Variants in NHLRC2 observed in about 807,000 individuals in gnomAD.
The protein encoded by NHLRC2 is NHL repeat-containing protein 2.
Under a neutral mutation model 68.1 loss-of-function variants are expected in NHLRC2, and 33 were observed. That is an observed-to-expected ratio of 0.48 (90% CI 0.37 to 0.65). The LOEUF (loss-of-function observed/expected upper bound fraction) is 0.65. Ranked by LOEUF, NHLRC2 falls within the 30% of genes least tolerant of loss-of-function variation. The pLI is 0.00. For synonymous variants in NHLRC2, 311 were observed against 309.6 expected (o/e 1.00, Z -0.05); for missense variants, 761 against 853.8 (o/e 0.89, Z 1.35).
rs1189156532 is a variant in NHLRC2 at position 113,876,506 on chromosome 10, A to AT, written c.332-9dup. 4 of 1,459,334 alleles carry AT rather than the reference A, an allele frequency of 2.7e-6. No homozygotes were observed. The highest frequency in any genetic ancestry group is 3.8e-6 in the Non-Finnish European group (4 of 1,066,102). The allele number at this position is 1,459,334 out of a possible 1,614,324, so 90.4% of individuals were successfully genotyped here. On this transcript the variant is annotated splice_polypyrimidine_tract_variant and intron_variant, in intron 2 of 10. Coordinates refer to ENST00000369301, the MANE Select transcript of NHLRC2 (RefSeq NM_198514.4). Reference sequence around the variant, plus strand: ...AATATTTAATAATGTTTAACATATAATTTTTTCCTTTCAGATGGTCTTCTT... The same window carrying AT: ...AATATTTAATAATGTTTAACATATAATTTTTTTCCTTTCAGATGGTCTTCTT...
chr10:113,855,023 G>T lies in NHLRC2; in HGVS notation c.151G>T (p.Asp51Tyr). 6.4e-7 allele frequency: 1 copy of T among 1,553,070 alleles called. No individual in the cohort carries two copies. Among genetic ancestry groups the T allele is most frequent in the South Asian group, 1.2e-5 (1 of 84,128 alleles). Residue 51 changes from aspartate to tyrosine, a missense_variant, in exon 1 of 11, where the codon GAC becomes TAC. Asp to Tyr is a radical substitution (Grantham distance 160). Coordinates refer to ENST00000369301, the MANE Select transcript of NHLRC2 (RefSeq NM_198514.4). ...YLQKVDGWEQ[D>Y]LSVPEFPEGL... is the part of the protein sequence containing the mutation. ...GCAGAAGGTGGACGGCTGGGAGCAG[G>T]ACTTGTCAGTACCCGAGTTTCCGGA...
Position 113,917,038 on chromosome 10 carries a change from G to A in NHLRC2, c.*8502G>A, listed in dbSNP as rs1360578343. 1.3e-5 allele frequency: 2 copies of A among 152,176 alleles called. No homozygotes were observed. Among genetic ancestry groups the A allele is most frequent in the South Asian group, 2.1e-4 (1 of 4,828 alleles). The allele number at this position is 152,176 out of a possible 1,614,324, so 9.4% of individuals were successfully genotyped here. On this transcript the variant is annotated 3_prime_UTR_variant, in exon 11 of 11. Transcript: ENST00000369301. ...GTGTTAACAGAAGATTGTTTGGAAC[G>A]AGAGTGCAGTGGCTTCTTTACTAGC...
At chr10:113,876,015 C>T (rs750254442) in intron 2 of NHLRC2, among the ~76,000 whole-genome samples, 2 of 148,144 alleles carry the variant, frequency 1.4e-5, no homozygotes, top group East Asian at 3.9e-4. Context: ...GTTCTAAGAA[C>T]CATACAATAG....
chr10:113,860,919 T>G (rs904981841), intron 2 of NHLRC2, among the ~76,000 whole-genome samples: 4 of 152,216 alleles, frequency 2.6e-5, no homozygotes, highest in South Asian at 4.1e-4. Context: ...TGATTCGACT[T>G]AAAATATTTT....
chr10:113,884,113 T>C, intron 4 of NHLRC2, 138 bp from the exon 5 acceptor site: 1 of 578,268 alleles, frequency 1.7e-6, no homozygotes, highest in Non-Finnish European at 2.9e-6. Context: ...CTATAATTGA[T>C]TGGCCTTTTT....
chr10:113,898,106 A>G lies in NHLRC2; in HGVS notation c.1040-4A>G. On this transcript the variant is annotated splice_polypyrimidine_tract_variant and splice_region_variant and intron_variant, in intron 5 of 10. Transcript: ENST00000369301. ...TATAATAATAATGATTTATTTTTATAAAGGTTCAGAGGTCCAAAGAGGTGA... is the reference window on the plus strand; with the variant it reads ...TATAATAATAATGATTTATTTTTATGAAGGTTCAGAGGTCCAAAGAGGTGA... 2 of 1,579,376 alleles carry G rather than the reference A, an allele frequency of 1.3e-6. No homozygotes were observed. Among genetic ancestry groups the G allele is most frequent in the African/African-American group, 1.3e-5 (1 of 74,294 alleles).
intron 3 of NHLRC2, among the ~76,000 whole-genome samples, chr10:113,878,801 T>C (rs865888231): frequency 6.6e-5 from 10 of 152,292 alleles, no homozygotes; most frequent in Middle Eastern, 3.4e-3. Flanking sequence ...AGTGCTGAGA[T>C]TACAGACGTG....
intron 5 of NHLRC2, 135 bp downstream of exon 5, chr10:113,884,515 T>G: frequency 1.8e-6 from 1 of 561,996 alleles, no homozygotes; most frequent in Non-Finnish European, 3.0e-6. Context: ...CCTCAGAGTT[T>G]GTTAATTGTG....
chr10:113,880,399 G>T (rs1016979050), intron 4 of NHLRC2, among the ~76,000 whole-genome samples: 9 of 151,342 alleles, frequency 5.9e-5, no homozygotes, highest in Non-Finnish European at 1.3e-4. Flanking sequence ...TGATATGACT[G>T]TATCACATTC....
chr10:113,881,586 C>T (rs963467832), intron 4 of NHLRC2, among the ~76,000 whole-genome samples: 4 of 151,682 alleles, frequency 2.6e-5, no homozygotes, highest in African/African-American at 9.7e-5. Flanking sequence ...ATACCCCCAA[C>T]TCTCACTCCC....
intron 2 of NHLRC2, among the ~76,000 whole-genome samples, chr10:113,859,726 A>G (rs919851873): frequency 5.9e-5 from 9 of 152,210 alleles, no homozygotes; most frequent in African/African-American, 1.4e-4. Flanking sequence ...TTTATTGAAC[A>G]TGTTGTTATG....
chr10:113,888,974 G>GCACA (rs1846106222), intron 5 of NHLRC2, among the ~76,000 whole-genome samples: 1 of 151,714 alleles, frequency 6.6e-6, no homozygotes, highest in Non-Finnish European at 1.5e-5. Context: ...TTACAGGTGT[G>GCACA]CACCACCATG....
intron 4 of NHLRC2, among the ~76,000 whole-genome samples, chr10:113,882,790 C>G (rs879355893): frequency 6.6e-6 from 1 of 151,692 alleles, no homozygotes; most frequent in Non-Finnish European, 1.5e-5. Flanking sequence ...TTATTTACCC[C>G]TGTGTTTTAT....
intron 2 of NHLRC2, among the ~76,000 whole-genome samples, chr10:113,873,470 T>G (rs139792471): frequency 1.3e-3 from 199 of 152,250 alleles, no homozygotes; most frequent in African/African-American, 4.5e-3. Flanking sequence ...TAGTTGACCT[T>G]ATGTTATTGT....
intron 5 of NHLRC2, among the ~76,000 whole-genome samples, chr10:113,885,120 G>A (rs936701828): frequency 6.6e-6 from 1 of 151,830 alleles, no homozygotes; most frequent in Non-Finnish European, 1.5e-5. Flanking sequence ...TATATTTAAA[G>A]AGTATATAAG....
At chr10:113,868,701 A>G (rs1300432178) in intron 2 of NHLRC2, among the ~76,000 whole-genome samples, 1 of 152,230 alleles carries the variant, frequency 6.6e-6, no homozygotes, top group Non-Finnish European at 1.5e-5. Context: ...ATAATCATAC[A>G]TATTTTTATA....
Position 113,854,752 on chromosome 10 carries a change from T to C in NHLRC2, c.-121T>C. 4.2e-6 allele frequency: 3 copies of C among 711,180 alleles called. No individual in the cohort carries two copies. In the South Asian group the frequency reaches 6.1e-5, roughly 14 times the overall value. 44.1% of individuals were successfully genotyped at this position (711,180 alleles called of 1,614,324 possible). The stretch of plus-strand genomic sequence containing the variant: ...AGAAAAAAGTGTCATTGGCGTGGAG[T>C]GGGGCTAGTGGAGGGTGAGGTGAAT... On this transcript the variant is annotated 5_prime_UTR_variant, in exon 1 of 11. Transcript: ENST00000369301.
At chr10:113,885,721 T>C (rs1846075617) in intron 5 of NHLRC2, among the ~76,000 whole-genome samples, 1 of 152,044 alleles carries the variant, frequency 6.6e-6, no homozygotes, top group Admixed American at 6.5e-5. Context: ...AGTTACAGAA[T>C]ATGTACAATA....
At chr10:113,883,311 T>G (rs578054814) in intron 4 of NHLRC2, among the ~76,000 whole-genome samples, 1 of 152,046 alleles carries the variant, frequency 6.6e-6, no homozygotes, top group South Asian at 2.1e-4. Context: ...CTCTTGCTTT[T>G]AAGCATTAGC....
Sources: gnomAD v4.1 joint callset for allele counts (sites outside exome capture counted in the v4.1 genomes callset) on GRCh38, gnomAD v4.1.1 for gene constraint, MANE v1.5 for transcripts, NCBI Gene and HGNC (gene_info 2026-07-23, HGNC 2026-07-21) for gene names.